Variants in PPFIA1 observed in about 807,000 individuals in gnomAD.
PPFIA1 encodes the protein PPFI scaffold protein A1.
PPFIA1 carries 25 observed loss-of-function variants against 149.9 expected under a neutral mutation model. The observed-to-expected ratio is 0.17, with a 90% CI of 0.12 to 0.23. The LOEUF is 0.23. Among genes scored for constraint, PPFIA1 ranks in the 10% least tolerant of loss-of-function variants. The pLI, the probability that PPFIA1 is intolerant of heterozygous loss-of-function variation, is 1.00. For synonymous variants in PPFIA1, 549 were observed against 552.8 expected (o/e 0.99, Z 0.10); for missense variants, 1,362 against 1,506.5 (o/e 0.90, Z 1.59).
At position 70,376,587 on chromosome 11, in the gene PPFIA1, G is replaced by C. The variant is rs1241513650; in HGVS notation, c.3371G>C (p.Arg1124Thr). The C allele has an allele frequency of 6.2e-6, 10 of 1,613,332 alleles. No homozygotes were observed. Among genetic ancestry groups the C allele is most frequent in the African/African-American group, 1.3e-5 (1 of 74,926 alleles). Residue 1124 changes from arginine to threonine, a missense_variant, in exon 25 of 28, where the codon AGA becomes ACA. By Grantham distance (71) the Arg-to-Thr change is moderately conservative. Around this residue, in one of 7 missense-constraint regions of PPFIA1, gnomAD observed 349 missense variants for 373.3 expected, o/e 0.93. Transcript: ENST00000253925. ...AACCTTTTGGTCATGGGGACTGATA[G>C]AAGGTTTGATGAAGTAAGTTTTTGG... ...FNNLLVMGTD[R>T]RFDEDDDKSF... is the part of the protein sequence containing the mutation.
rs781575330 is a variant in PPFIA1, at chr11:70,362,314, T to C, written c.2691T>C (p.Tyr897=). The C allele has an allele frequency of 6.2e-5, 100 of 1,614,100 alleles. No homozygotes were observed. Among genetic ancestry groups the C allele is most frequent in the Non-Finnish European group, 8.2e-5 (97 of 1,180,038 alleles). ...TCTGGGTTGGGATGCCAGCCTGGTATGTGGCTGCCTGCCGAGCAAACGTGA... is the reference window on the plus strand; with the variant it reads ...TCTGGGTTGGGATGCCAGCCTGGTACGTGGCTGCCTGCCGAGCAAACGTGA... ...LELWVGMPAW[Y]VAACRANVKS... Residue 897 remains tyrosine, a synonymous_variant, in exon 21 of 28, where the codon TAT becomes TAC. Transcript: ENST00000253925.
chr11:70,310,515 A>T (rs1255126666), intron 2 of PPFIA1, among the ~76,000 whole-genome samples: 3 of 151,254 alleles, frequency 2.0e-5, no homozygotes, highest in Non-Finnish European at 4.4e-5. Context: ...CCTCCCGAGT[A>T]GCTGGGACTA....
chr11:70,297,146 G>A (rs1236366377), intron 2 of PPFIA1, among the ~76,000 whole-genome samples: 6 of 152,130 alleles, frequency 3.9e-5, no homozygotes, highest in African/African-American at 1.4e-4. Flanking sequence ...GGTGGCTCAC[G>A]CTTCAGGCTC....
intron 2 of PPFIA1, among the ~76,000 whole-genome samples, chr11:70,286,919 C>CACACATATATATACACATATATAT (rs560674097): frequency 6.9e-6 from 1 of 144,796 alleles, no homozygotes; most frequent in Non-Finnish European, 1.5e-5. Flanking sequence ...TGTGTGTATA[C>CACACATATATATACACATATATAT]ACACATATAT....
chr11:70,318,337 C>A (rs1184339389), intron 2 of PPFIA1, among the ~76,000 whole-genome samples: 1 of 152,186 alleles, frequency 6.6e-6, no homozygotes, highest in East Asian at 1.9e-4. Context: ...CCAACTCCCA[C>A]CACACCTCTG....
intron 16 of PPFIA1, among the ~76,000 whole-genome samples, chr11:70,351,176 T>TG (rs2056034687): frequency 6.6e-6 from 1 of 152,248 alleles, no homozygotes; most frequent in Non-Finnish European, 1.5e-5. Flanking sequence ...AGCACCTTAC[T>TG]GACAATTGTT....
chr11:70,296,256 C>T (rs1015336911), intron 2 of PPFIA1, among the ~76,000 whole-genome samples: 5 of 151,948 alleles, frequency 3.3e-5, no homozygotes, highest in African/African-American at 1.2e-4. Context: ...CAGGCAGAGA[C>T]GCTCCTCACT....
At chr11:70,326,552 C>A in intron 6 of PPFIA1, 45 bp from the exon 7 acceptor site, 1 of 1,468,414 alleles carries the variant, frequency 6.8e-7, no homozygotes, top group Non-Finnish European at 9.4e-7. Flanking sequence ...TATTTTATAG[C>A]TCACCAAACA....
intron 2 of PPFIA1, among the ~76,000 whole-genome samples, chr11:70,282,687 T>A (rs1295850205): frequency 1.3e-5 from 2 of 150,418 alleles, no homozygotes; most frequent in Non-Finnish European, 3.0e-5. Flanking sequence ...CGCCACTACA[T>A]CCAGCTAGTT....
intron 2 of PPFIA1, among the ~76,000 whole-genome samples, chr11:70,322,475 C>G (rs948617462): frequency 2.0e-5 from 3 of 152,172 alleles, no homozygotes; most frequent in Admixed American, 2.0e-4. Flanking sequence ...TCCTCCCGCA[C>G]GCTGCCCAGC....
intron 2 of PPFIA1, among the ~76,000 whole-genome samples, chr11:70,303,189 C>T (rs1367529617): frequency 6.6e-6 from 1 of 152,082 alleles, no homozygotes; most frequent in African/African-American, 2.4e-5. Flanking sequence ...GGTTCTAGAC[C>T]CCGGTCTGAC....
intron 21 of PPFIA1, among the ~76,000 whole-genome samples, chr11:70,370,424 T>C (rs1438259843): frequency 2.0e-5 from 3 of 151,422 alleles, no homozygotes; most frequent in Non-Finnish European, 4.4e-5. Context: ...TCTCGCTCTA[T>C]CTCCCAGGCT....
chr11:70,331,661 T>C (rs910379577), intron 8 of PPFIA1, among the ~76,000 whole-genome samples: 1 of 151,452 alleles, frequency 6.6e-6, no homozygotes, highest in Admixed American at 6.6e-5. Flanking sequence ...ATGCCTGTAA[T>C]TGCAGCTACT....
chr11:70,293,676 T>C (rs1005876065), intron 2 of PPFIA1, among the ~76,000 whole-genome samples: 4 of 152,150 alleles, frequency 2.6e-5, no homozygotes, highest in African/African-American at 9.7e-5. Context: ...ATAAACTGGG[T>C]GGACTGGGCC....
At chr11:70,375,840 C>A (rs1237671430) in intron 24 of PPFIA1, among the ~76,000 whole-genome samples, 1 of 151,994 alleles carries the variant, frequency 6.6e-6, no homozygotes, top group Non-Finnish European at 1.5e-5. Flanking sequence ...TGGCCAATAC[C>A]CCTGACCAAC....
In PPFIA1 at chr11:70,362,157, C is replaced by A; in HGVS notation, c.2645C>A (p.Thr882Lys). The A allele has an allele frequency of 6.2e-7, 1 of 1,614,174 alleles. No individual in the cohort carries two copies. Among genetic ancestry groups the A allele is most frequent in the Non-Finnish European group, 8.5e-7 (1 of 1,180,010 alleles). The change falls in exon 20 of 28, where the codon ACG (threonine) becomes AAG (lysine). Residue 882 changes from threonine to lysine, a missense_variant. Physicochemically the swap from Thr to Lys is moderately conservative, Grantham distance 78. Coordinates refer to ENST00000253925, the MANE Select transcript of PPFIA1 (RefSeq NM_003626.5). ...CCTTTTGCCCAATGGGACGGGCCAA[C>A]GGTTGTGGTCTGGCTAGAGGTACAT... ...GLPFAQWDGP[T>K]VVVWLELWVG...
chr11:70,331,166 C>T (rs370876897), intron 8 of PPFIA1, among the ~76,000 whole-genome samples: 79 of 148,194 alleles, frequency 5.3e-4, no homozygotes, highest in Non-Finnish European at 6.4e-4. Context: ...ACCCAAGAGG[C>T]GGAGGTTGCA....
At chr11:70,302,119 G>C (rs938450433) in intron 2 of PPFIA1, among the ~76,000 whole-genome samples, 1 of 152,238 alleles carries the variant, frequency 6.6e-6, no homozygotes, top group African/African-American at 2.4e-5. Context: ...AGCTGGCCAG[G>C]TTGCCCTCAG....
intron 16 of PPFIA1, among the ~76,000 whole-genome samples, chr11:70,351,636 G>A (rs772269100): frequency 8.1e-4 from 123 of 152,162 alleles, no homozygotes; most frequent in Non-Finnish European, 2.6e-4. Flanking sequence ...GGAGCATTTT[G>A]AATATCAGAT....
Sources: allele counts gnomAD v4.1 joint callset (sites outside exome capture counted in the v4.1 genomes callset), GRCh38; gene constraint gnomAD v4.1.1; regional missense constraint gnomAD v4.1.1; transcripts MANE v1.5; gene names NCBI Gene and HGNC (gene_info 2026-07-23, HGNC 2026-07-21).